The following PDE11A variants were observed in gnomAD, a reference collection of about 807,000 sequenced individuals.
The protein encoded by PDE11A is dual 3',5'-cyclic-AMP and -GMP phosphodiesterase 11A.
Under a neutral mutation model 100.5 loss-of-function variants are expected in PDE11A, and 100 were observed. That is an observed-to-expected ratio of 1.00 (90% CI 0.85 to 1.18). The LOEUF (loss-of-function observed/expected upper bound fraction) is 1.18, where lower values mean the gene tolerates loss of function less well. Ranked by LOEUF, PDE11A falls within the 50% of genes most tolerant of loss-of-function variation. The probability of loss-of-function intolerance (pLI) is 0.00; values close to 1 mark genes in which losing one functional copy is unlikely to be tolerated. For synonymous variants in PDE11A, 381 were observed against 420.8 expected (o/e 0.91, Z 1.16); for missense variants, 1,141 against 1,152.6 (o/e 0.99, Z 0.15).
chr2:177,991,642 GATAATA>G (rs1487770994), intron 2 of PDE11A, among the ~76,000 whole-genome samples: 1 of 150,320 alleles, frequency 6.7e-6, no homozygotes, highest in Non-Finnish European at 1.5e-5. Flanking sequence ...TTCAAAAAAT[GATAATA>G]ATAATAATAA....
intron 19 of PDE11A, among the ~76,000 whole-genome samples, chr2:177,657,851 T>C (rs932426355): frequency 2.0e-5 from 3 of 152,048 alleles, no homozygotes; most frequent in Non-Finnish European, 4.4e-5. Flanking sequence ...AGAAAAGACT[T>C]AGGAAGTTAT....
rs1245542876 is a variant in PDE11A, at chr2:177,625,891, T to C, written c.*3516A>G. ...AGGAAGCTGCTACCTTCCTGTCCAC[T>C]GCTTCATAGTCATGGAGACACAGAC... On this transcript the variant is annotated 3_prime_UTR_variant, in exon 20 of 20. Coordinates refer to ENST00000286063, the MANE Select transcript of PDE11A (RefSeq NM_016953.4). 6.6e-6 allele frequency: 1 copy of C among 152,650 alleles called. No individual in the cohort carries two copies. Among genetic ancestry groups the C allele is most frequent in the African/African-American group, 2.4e-5 (1 of 41,464 alleles). The allele number at this position is 152,650 out of a possible 1,614,324, so 9.5% of individuals were successfully genotyped here. A position where few individuals can be genotyped will look rare whatever the true frequency, so the allele number is the denominator to read the frequency against.
intron 10 of PDE11A, among the ~76,000 whole-genome samples, chr2:177,754,851 G>A (rs929884756): frequency 1.3e-5 from 2 of 152,226 alleles, no homozygotes; most frequent in African/African-American, 4.8e-5. Flanking sequence ...AGGAAGGAAT[G>A]TCCTTCTACT....
intron 2 of PDE11A, among the ~76,000 whole-genome samples, chr2:177,956,378 T>TA (rs1436141091): frequency 5.3e-5 from 8 of 152,280 alleles, no homozygotes; most frequent in African/African-American, 1.9e-4. Flanking sequence ...TCACACCAGT[T>TA]AGAATGGCAA....
chr2:177,689,028 A>G (rs1384621439), intron 15 of PDE11A, among the ~76,000 whole-genome samples: 1 of 152,186 alleles, frequency 6.6e-6, no homozygotes, highest in African/African-American at 2.4e-5. Flanking sequence ...AAACATTAGG[A>G]AGGTTTTACT....
chr2:177,940,965 T>G (rs919269773), intron 2 of PDE11A, among the ~76,000 whole-genome samples: 1 of 150,656 alleles, frequency 6.6e-6, no homozygotes, highest in African/African-American at 2.4e-5. Context: ...GGACTCAATA[T>G]CTAAATAAAG....
intron 10 of PDE11A, among the ~76,000 whole-genome samples, chr2:177,736,870 C>T (rs928508440): frequency 2.0e-5 from 3 of 152,182 alleles, no homozygotes; most frequent in Non-Finnish European, 4.4e-5. Flanking sequence ...CACTGACCAC[C>T]CAATGGAAAT....
intron 10 of PDE11A, among the ~76,000 whole-genome samples, chr2:177,732,987 T>A (rs2081716027): frequency 1.3e-5 from 2 of 152,216 alleles, no homozygotes; most frequent in African/African-American, 4.8e-5. Context: ...GCAGTATGTA[T>A]CCTGAGCAGA....
chr2:177,816,763 G>A, intron 9 of PDE11A, 66 bp downstream of exon 9: 1 of 893,384 alleles, frequency 1.1e-6, no homozygotes, highest in South Asian at 1.3e-5. Context: ...CCATAACCAG[G>A]GAAATTTTTT....
At chr2:178,100,698 A>C (rs957738800) in intron 2 of PDE11A, among the ~76,000 whole-genome samples, 12 of 152,224 alleles carry the variant, frequency 7.9e-5, no homozygotes, top group African/African-American at 2.9e-4. Context: ...GGGAAATTTT[A>C]TTTCTAATTC....
At chr2:177,833,844 A>C (rs187094845) in intron 6 of PDE11A, among the ~76,000 whole-genome samples, 125 of 152,294 alleles carry the variant, frequency 8.2e-4, no homozygotes, top group Admixed American at 6.2e-3. Context: ...ATCTCTGGAG[A>C]ATTTCCAACC....
intron 13 of PDE11A, 87 bp from the exon 14 acceptor site, chr2:177,701,298 TG>T (rs2081193068): frequency 2.0e-5 from 15 of 754,014 alleles, no homozygotes; most frequent in Non-Finnish European, 3.7e-5. Flanking sequence ...TTCTTGCTTT[TG>T]GCAAAGGACC....
Position 177,820,293 on chromosome 2 carries a change from T to G in PDE11A, c.1503A>C (p.Ala501=). The G allele has an allele frequency of 6.4e-7, 1 of 1,557,806 alleles. No individual in the cohort carries two copies. Among genetic ancestry groups the G allele is most frequent in the Middle Eastern group, 1.7e-4 (1 of 5,912 alleles). Residue 501 remains alanine, a splice_region_variant and synonymous_variant, in exon 7 of 20, where the codon GCA becomes GCC. Transcript: ENST00000286063. Reference sequence around the variant, plus strand: ...TTATGTGAAAACCAGATATCTGGTCTGCCTAGGAAACAAGAAAGAAGTTAA... The same window carrying G: ...TTATGTGAAAACCAGATATCTGGTCGGCCTAGGAAACAAGAAAGAAGTTAA... The part of the protein sequence containing the change: ...AYQDPRFDAE[A]DQISGFHIRS...
intron 2 of PDE11A, among the ~76,000 whole-genome samples, chr2:178,100,255 T>C (rs1356583438): frequency 6.6e-6 from 1 of 152,256 alleles, no homozygotes; most frequent in Non-Finnish European, 1.5e-5. Context: ...TATATTTTGC[T>C]ACAATTTTTA....
At chr2:177,630,122 A>G (rs1429274430) in intron 19 of PDE11A, among the ~76,000 whole-genome samples, 1 of 152,206 alleles carries the variant, frequency 6.6e-6, no homozygotes, top group Non-Finnish European at 1.5e-5. Flanking sequence ...ATGCATGGAA[A>G]TAGACATGGC....
intron 4 of PDE11A, among the ~76,000 whole-genome samples, chr2:177,893,321 G>A (rs567292135): frequency 4.5e-4 from 68 of 151,702 alleles, no homozygotes; most frequent in African/African-American, 1.2e-3. Flanking sequence ...ATTGATTTTC[G>A]GAGGTGTTGT....
chr2:177,955,878 T>A (rs2085555518), intron 2 of PDE11A, among the ~76,000 whole-genome samples: 1 of 152,148 alleles, frequency 6.6e-6, no homozygotes, highest in Non-Finnish European at 1.5e-5. Flanking sequence ...TGAAACTGGA[T>A]CCCTTCCTTA....
chr2:177,900,078 G>A (rs926798813), intron 3 of PDE11A, among the ~76,000 whole-genome samples: 6 of 152,084 alleles, frequency 3.9e-5, no homozygotes, highest in African/African-American at 1.4e-4. Context: ...CTCAGGTCAG[G>A]TATGGATTTG....
chr2:177,936,466 G>A (rs34164632), intron 2 of PDE11A, among the ~76,000 whole-genome samples: 4,889 of 152,220 alleles, frequency 0.032, 115 homozygotes, highest in Non-Finnish European at 0.052. Context: ...TAAGCAAAGC[G>A]TTTCACTTAT....
Sources: allele counts gnomAD v4.1 joint callset (sites outside exome capture counted in the v4.1 genomes callset), GRCh38; gene constraint gnomAD v4.1.1; transcripts MANE v1.5; gene names NCBI Gene and HGNC (gene_info 2026-07-23, HGNC 2026-07-21).